Variants in DCTN5 observed in about 807,000 individuals in gnomAD.
DCTN5 encodes dynactin subunit 5, also known as dynactin 4.
Under a neutral mutation model 23.5 loss-of-function variants are expected in DCTN5, and 14 were observed. That is an observed-to-expected ratio of 0.60 (90% CI 0.39 to 0.93). The LOEUF is 0.93. Among genes scored for constraint, DCTN5 ranks in the 40% least tolerant of loss-of-function variants. DCTN5 has a pLI of 0.00. For synonymous variants in DCTN5, 67 were observed against 79.6 expected, an observed-to-expected ratio of 0.84 and a Z score of 0.84; for missense variants, 156 against 225.9, an observed-to-expected ratio of 0.69 and a Z score of 1.98.
At position 23,667,181 on chromosome 16, in the gene DCTN5, A is replaced by T. The variant is rs1406668398; in HGVS notation, c.*37A>T. 1 of 1,609,098 alleles carries T rather than the reference A, an allele frequency of 6.2e-7. No individual in the cohort carries two copies. The highest frequency in any genetic ancestry group is 1.7e-5 in the Admixed American group (1 of 59,966). On this transcript the variant is annotated 3_prime_UTR_variant, in exon 6 of 6. Coordinates refer to ENST00000300087, the MANE Select transcript of DCTN5 (RefSeq NM_032486.4). ...CATGTCTTGAATCTGCTTGAGCTCT[A>T]AGATGAACCTGGGGACAAAGTGAGC...
chr16:23,666,715 ATC>A (rs1319140385), intron 5 of DCTN5: 14 of 439,728 alleles, frequency 3.2e-5, no homozygotes, highest in Middle Eastern at 6.1e-4. Flanking sequence ...AATAAATCTC[ATC>A]TCTCAGATCA....
rs571347488 is a variant in DCTN5 at position 23,646,230 on chromosome 16, T to C, written c.117+3207T>C. Among the ~76,000 whole-genome samples, 15 of 152,232 alleles carry C rather than the reference T, an allele frequency of 9.9e-5. No homozygotes were observed. In the South Asian group the frequency reaches 2.7e-3, roughly 27 times the overall value. On this transcript the variant is annotated intron_variant, in intron 2 of 5. Coordinates refer to ENST00000300087, the MANE Select transcript of DCTN5 (RefSeq NM_032486.4). ...ATGTTGCTTGTTGGTCATCTGTACA[T>C]CTTCTTTAGAGAAATGTCTGTTCAG...
chr16:23,664,439 A>T (rs1010730733), intron 4 of DCTN5, among the ~76,000 whole-genome samples: 4 of 152,244 alleles, frequency 2.6e-5, no homozygotes, highest in Non-Finnish European at 5.9e-5. Context: ...GTTCTTTGCT[A>T]AAATCTGAGG....
chr16:23,658,590 T>G lies in DCTN5; in HGVS notation c.201T>G (p.Ser67Arg). ...VGRHCVVKSR[S>R]VIRPPFKKFS... is the part of the protein sequence containing the mutation. ...GTCATTGTGTTGTGAAAAGTCGTAG[T>G]GTCATAAGGCCACCATTCAAGAAGT... Residue 67 changes from serine to arginine, a missense_variant, in exon 3 of 6, where the codon AGT (serine) becomes AGG (arginine). By Grantham distance (110) the Ser-to-Arg change is moderately radical. This residue lies in a region of DCTN5 where 153 missense variants were observed against 206.8 expected (regional missense o/e 0.74). Transcript: ENST00000300087. 1 of 1,614,220 alleles carries G rather than the reference T, an allele frequency of 6.2e-7. No homozygotes were observed.
Position 23,676,122 on chromosome 16 carries a change from A to G in DCTN5, c.*8978A>G, listed in dbSNP as rs897271865. On this transcript the variant is annotated 3_prime_UTR_variant, in exon 6 of 6. Transcript: ENST00000300087. ...CTCATGATGTCCCCTCAGCCCTGGA[A>G]AGCATTTGGGTTAGCTTCCGCTTAC... 3.3e-5 allele frequency: 5 copies of G among 152,042 alleles called. No homozygotes were observed. Among genetic ancestry groups the G allele is most frequent in the Admixed American group, 1.3e-4 (2 of 15,268 alleles). 9.4% of individuals were successfully genotyped at this position (152,042 alleles called of 1,614,324 possible). A position where few individuals can be genotyped will look rare whatever the true frequency, so the allele number is the denominator to read the frequency against.
At chr16:23,661,660 A>T (rs1363578117) in intron 4 of DCTN5, among the ~76,000 whole-genome samples, 2 of 152,038 alleles carry the variant, frequency 1.3e-5, no homozygotes, top group Non-Finnish European at 2.9e-5. Context: ...GGAGGTTGCA[A>T]TGAGCCAAGA....
At chr16:23,646,901 G>T (rs1462358773) in intron 2 of DCTN5, among the ~76,000 whole-genome samples, 1 of 152,106 alleles carries the variant, frequency 6.6e-6, no homozygotes, top group South Asian at 2.1e-4. Context: ...TATGGTTTGA[G>T]GTAGGGGTCT....
intron 2 of DCTN5, among the ~76,000 whole-genome samples, chr16:23,648,344 C>CTTTT (rs960786045): frequency 7.6e-5 from 8 of 105,522 alleles, no homozygotes; most frequent in East Asian, 2.7e-4. Flanking sequence ...TTTCTTTTTT[C>CTTTT]TTTTTTTTTT....
chr16:23,661,443 G>A (rs1967809197), intron 4 of DCTN5, among the ~76,000 whole-genome samples, 162 bp downstream of exon 4: 1 of 152,174 alleles, frequency 6.6e-6, no homozygotes, highest in Admixed American at 6.5e-5. Flanking sequence ...TTTCAGCTGG[G>A]TGCGGTGGCT....
chr16:23,643,090 G>A, intron 2 of DCTN5, 67 bp downstream of exon 2: 2 of 1,334,242 alleles, frequency 1.5e-6, no homozygotes, highest in Middle Eastern at 2.0e-4. Context: ...CACCACAGCA[G>A]GGCAGATAAA....
chr16:23,657,997 G>A (rs992647063), intron 2 of DCTN5, among the ~76,000 whole-genome samples: 1 of 152,142 alleles, frequency 6.6e-6, no homozygotes, highest in Non-Finnish European at 1.5e-5. Context: ...CAACTTCTGG[G>A]GAAGCCACGC....
At chr16:23,663,336 T>C (rs1967848847) in intron 4 of DCTN5, among the ~76,000 whole-genome samples, 1 of 152,228 alleles carries the variant, frequency 6.6e-6, no homozygotes, top group East Asian at 1.9e-4. Flanking sequence ...CTAACTTACT[T>C]GCACAGGATA....
intron 2 of DCTN5, among the ~76,000 whole-genome samples, chr16:23,648,150 A>G (rs913909301): frequency 6.6e-6 from 1 of 150,930 alleles, no homozygotes; most frequent in Non-Finnish European, 1.5e-5. Context: ...TATTTGTTTA[A>G]TTTATTTGTT....
intron 1 of DCTN5, chr16:23,642,742 C>T (rs1967323105): frequency 1.8e-6 from 1 of 545,064 alleles, no homozygotes; most frequent in Non-Finnish European, 3.3e-6. Flanking sequence ...CTGCCTCAGC[C>T]TCTCAAAGTG....
intron 2 of DCTN5, among the ~76,000 whole-genome samples, chr16:23,647,555 C>T (rs1967495511): frequency 6.6e-6 from 1 of 150,756 alleles, no homozygotes. Context: ...GTTGCCCAGG[C>T]TGGATGCAAT....
In DCTN5 at chr16:23,645,083, CTATATATATATATATATATATATATATA is replaced by C. The variant is rs869302728; in HGVS notation, c.117+2088_117+2115del. 1.2e-3 allele frequency among the ~76,000 whole-genome samples: 40 copies of C among 33,122 alleles called. 1 individual carries two copies. Among genetic ancestry groups the C allele is most frequent in the East Asian group, 5.3e-3 (3 of 568 alleles). 21.7% of individuals were successfully genotyped at this position (33,122 alleles called of 152,430 possible). ...GTGTGAGCCACTGCACCCAGCCTAA[CTATATATATATATATATATATATATATA>C]TATATATATATATATATATATATAT... On this transcript the variant is annotated intron_variant, in intron 2 of 5. Coordinates refer to ENST00000300087, the MANE Select transcript of DCTN5 (RefSeq NM_032486.4).
At chr16:23,644,897 A>G (rs1370455875) in intron 2 of DCTN5, among the ~76,000 whole-genome samples, 2 of 144,774 alleles carry the variant, frequency 1.4e-5, no homozygotes, top group Admixed American at 1.4e-4. Context: ...CTCATGCCTC[A>G]GCCTCCTGTG....
At chr16:23,657,529 C>T (rs1336560741) in intron 2 of DCTN5, 1 of 412,650 alleles carries the variant, frequency 2.4e-6, no homozygotes, top group Non-Finnish European at 4.8e-6. Context: ...CAACCTCCGC[C>T]TCCCAGGTTC....
At chr16:23,651,570 T>C (rs1346863805) in intron 2 of DCTN5, among the ~76,000 whole-genome samples, 1 of 152,234 alleles carries the variant, frequency 6.6e-6, no homozygotes, top group Non-Finnish European at 1.5e-5. Flanking sequence ...CCAGGACTTT[T>C]GGAATTCTGT....
Sources: allele counts gnomAD v4.1 joint callset (sites outside exome capture counted in the v4.1 genomes callset), GRCh38; gene constraint gnomAD v4.1.1; regional missense constraint gnomAD v4.1.1; transcripts MANE v1.5; gene names NCBI Gene and HGNC (gene_info 2026-07-23, HGNC 2026-07-21).